Variants in BZW2 observed in about 807,000 individuals in gnomAD.
The protein encoded by BZW2 is basic leucine zipper and W2 domains 2.
BZW2 carries 23 observed loss-of-function variants against 53.2 expected under a neutral mutation model. The ratio of observed to expected loss-of-function variants is 0.43; its 90% CI spans 0.31 to 0.61. The LOEUF is 0.61. BZW2 is among the 20% of genes least tolerant of loss of function. The pLI is 0.09. For synonymous variants in BZW2, 227 were observed against 186.4 expected (o/e 1.22, Z -1.77); for missense variants, 409 against 503.1 (o/e 0.81, Z 1.79).
chr7:16,674,727 C>T, intron 3 of BZW2, 139 bp downstream of exon 3: 1 of 780,390 alleles, frequency 1.3e-6, no homozygotes, highest in Non-Finnish European at 1.8e-6. Flanking sequence ...TATAATTTTA[C>T]CTGGTTTAGG....
At chr7:16,676,741 TG>T (rs1782777913) in intron 3 of BZW2, among the ~76,000 whole-genome samples, 1 of 152,164 alleles carries the variant, frequency 6.6e-6, no homozygotes, top group South Asian at 2.1e-4. Context: ...TTTATCAGAG[TG>T]ATCTTCAGCG....
chr7:16,673,618 C>T (rs1318984927), intron 2 of BZW2, among the ~76,000 whole-genome samples: 2 of 151,822 alleles, frequency 1.3e-5, no homozygotes, highest in African/African-American at 4.8e-5. Flanking sequence ...ACAAAAACTC[C>T]CTTTGGAATG....
intron 2 of BZW2, among the ~76,000 whole-genome samples, chr7:16,674,108 G>A (rs1458023055): frequency 6.6e-6 from 1 of 151,980 alleles, no homozygotes. Flanking sequence ...TTGTTTTGGC[G>A]AGGCTGGTCT....
Position 16,665,643 on chromosome 7 carries a change from A to C in BZW2, c.58+142A>C, listed in dbSNP as rs1562480204. Reference sequence around the variant, plus strand: ...CTGAGTGTAGAATCTGAAGTGCTTTAGTGAAACCATAGAACTGCCAGTTAC... The same window carrying C: ...CTGAGTGTAGAATCTGAAGTGCTTTCGTGAAACCATAGAACTGCCAGTTAC... On this transcript the variant is annotated intron_variant, in intron 2 of 11. Coordinates refer to ENST00000258761, the MANE Select transcript of BZW2 (RefSeq NM_014038.3). The C allele has an allele frequency of 4.5e-5, 63 of 1,385,528 alleles. 1 individual carries two copies. In the South Asian group the frequency reaches 8.5e-4, roughly 19 times the overall value. The allele number at this position is 1,385,528 out of a possible 1,614,324, so 85.8% of individuals were successfully genotyped here.
chr7:16,652,225 C>A (rs1449824786), intron 1 of BZW2, among the ~76,000 whole-genome samples: 1 of 152,060 alleles, frequency 6.6e-6, no homozygotes. Context: ...TATTCCATTC[C>A]GCGTGGATGC....
At chr7:16,661,734 T>G (rs1187265668) in intron 1 of BZW2, among the ~76,000 whole-genome samples, 1 of 152,128 alleles carries the variant, frequency 6.6e-6, no homozygotes, top group East Asian at 1.9e-4. Flanking sequence ...AAGTCCATTT[T>G]GTTTACCATT....
chr7:16,697,195 C>A, intron 9 of BZW2, 134 bp downstream of exon 9: 1 of 1,028,886 alleles, frequency 9.7e-7, no homozygotes, highest in Non-Finnish European at 1.4e-6. Flanking sequence ...GCTCAAGCCA[C>A]CCTCCCTCCT....
intron 11 of BZW2, 81 bp downstream of exon 11, chr7:16,704,750 T>C (rs1783780322): frequency 1.5e-6 from 2 of 1,325,882 alleles, no homozygotes; most frequent in Admixed American, 5.2e-5. Flanking sequence ...TCCACAGATT[T>C]TACTTGATTT....
At chr7:16,670,337 A>G (rs1300969043) in intron 2 of BZW2, among the ~76,000 whole-genome samples, 1 of 152,222 alleles carries the variant, frequency 6.6e-6, no homozygotes, top group Non-Finnish European at 1.5e-5. Flanking sequence ...CATTGAAAAC[A>G]AAGTCCTCTG....
intron 1 of BZW2, among the ~76,000 whole-genome samples, chr7:16,661,859 G>T (rs1325616405): frequency 6.6e-6 from 1 of 152,120 alleles, no homozygotes; most frequent in East Asian, 1.9e-4. Flanking sequence ...TTGTCATGAT[G>T]CATAGGTTGT....
intron 5 of BZW2, among the ~76,000 whole-genome samples, chr7:16,684,854 A>T (rs1220407969): frequency 6.6e-6 from 1 of 152,208 alleles, no homozygotes. Context: ...TAATGTAAAT[A>T]GTCTATAATA....
intron 7 of BZW2, 120 bp from the exon 8 acceptor site, chr7:16,694,714 A>C: frequency 1.2e-6 from 1 of 827,438 alleles, no homozygotes; most frequent in Non-Finnish European, 1.8e-6. Context: ...GTTTTGTAAA[A>C]CAGTCTTTAT....
chr7:16,704,714 C>T, intron 11 of BZW2, 45 bp downstream of exon 11: 2 of 1,460,132 alleles, frequency 1.4e-6, no homozygotes, highest in South Asian at 1.5e-5. Flanking sequence ...AACACTGTCT[C>T]ATTATATGTC....
intron 3 of BZW2, among the ~76,000 whole-genome samples, chr7:16,679,133 C>T (rs1373206674): frequency 6.6e-6 from 1 of 152,182 alleles, no homozygotes; most frequent in Non-Finnish European, 1.5e-5. Context: ...CCAATCCTAA[C>T]AAGCCTGGGG....
At chr7:16,655,432 G>C (rs566708139) in intron 1 of BZW2, among the ~76,000 whole-genome samples, 1 of 152,124 alleles carries the variant, frequency 6.6e-6, no homozygotes, top group Non-Finnish European at 1.5e-5. Context: ...GGTACAGTGT[G>C]GTGTTTCCAT....
In BZW2 at chr7:16,696,770, A is replaced by G. The variant is rs943742936; in HGVS notation, c.823-145A>G. The G allele has an allele frequency of 1.7e-5, 14 of 804,000 alleles. No individual in the cohort carries two copies. The African/African-American group carries it at 2.4e-4, about 14-fold the overall frequency. 49.8% of individuals were successfully genotyped at this position (804,000 alleles called of 1,614,324 possible). A position where few individuals can be genotyped will look rare whatever the true frequency, so the allele number is the denominator to read the frequency against. ...TCATTATAGTTTTTCTCCCTCTTCC[A>G]GTCTGAGAATGCAGACAAGGAAAGG... On this transcript the variant is annotated intron_variant, in intron 8 of 11. Coordinates refer to ENST00000258761, the MANE Select transcript of BZW2 (RefSeq NM_014038.3).
intron 3 of BZW2, 122 bp from the exon 4 acceptor site, chr7:16,681,177 ATG>A: frequency 1.3e-6 from 1 of 770,964 alleles, no homozygotes. Flanking sequence ...TTGAAATTTT[ATG>A]TGACTCTTAG....
intron 1 of BZW2, among the ~76,000 whole-genome samples, chr7:16,658,173 G>A (rs917033066): frequency 3.9e-5 from 6 of 152,180 alleles, no homozygotes; most frequent in African/African-American, 1.4e-4. Flanking sequence ...GAATGCACAT[G>A]CCTTAAGGGA....
chr7:16,677,412 G>A (rs1782799656), intron 3 of BZW2, among the ~76,000 whole-genome samples: 1 of 152,126 alleles, frequency 6.6e-6, no homozygotes, highest in Non-Finnish European at 1.5e-5. Flanking sequence ...CTCTCAACAG[G>A]AAAACCTAAG....
Sources: allele counts gnomAD v4.1 joint callset (sites outside exome capture counted in the v4.1 genomes callset), GRCh38; gene constraint gnomAD v4.1.1; transcripts MANE v1.5; gene names NCBI Gene and HGNC (gene_info 2026-07-23, HGNC 2026-07-21).